UNC5C: variants seen among roughly 807,000 people sequenced by gnomAD.
UNC5C encodes the protein netrin receptor UNC5C.
In UNC5C, 47 loss-of-function variants were observed where a neutral mutation model predicts 99.8. That is an observed-to-expected ratio of 0.47 (90% CI 0.37 to 0.60). UNC5C has a LOEUF of 0.60. Among genes scored for constraint, UNC5C ranks in the 20% least tolerant of loss-of-function variants. UNC5C has a pLI of 0.00. For missense variants in UNC5C, 1,062 were observed against 1,165.9 expected (o/e 0.91, Z 1.30); for synonymous variants, 487 against 452.2 (o/e 1.08, Z -0.98).
chr4:95,393,170 G>A (rs1005074372), intron 1 of UNC5C, among the ~76,000 whole-genome samples: 1 of 152,198 alleles, frequency 6.6e-6, no homozygotes, highest in Non-Finnish European at 1.5e-5. Flanking sequence ...TGGGAGTAGG[G>A]CAGATGGAGG....
intron 14 of UNC5C, 138 bp downstream of exon 14, chr4:95,182,759 C>G (rs1255473291): frequency 1.2e-6 from 1 of 855,352 alleles, no homozygotes. Flanking sequence ...AAATATTATT[C>G]TATTAACAAA....
At chr4:95,457,887 C>A (rs536292983) in intron 1 of UNC5C, among the ~76,000 whole-genome samples, 39 of 151,836 alleles carry the variant, frequency 2.6e-4, no homozygotes, top group Non-Finnish European at 5.1e-4. Context: ...GAGATGGCAG[C>A]CCCAGCTAAC....
At chr4:95,376,478 G>T (rs569836219) in intron 1 of UNC5C, among the ~76,000 whole-genome samples, 1 of 151,960 alleles carries the variant, frequency 6.6e-6, no homozygotes, top group South Asian at 2.1e-4. Context: ...CTAAAAACAG[G>T]GTCAGCTTGA....
chr4:95,324,365 G>GAA (rs1742811183), intron 2 of UNC5C, among the ~76,000 whole-genome samples: 1 of 152,150 alleles, frequency 6.6e-6, no homozygotes, highest in African/African-American at 2.4e-5. Context: ...GACTGTTGCA[G>GAA]AAAAATAAGC....
At chr4:95,352,667 C>T (rs958831421) in intron 1 of UNC5C, among the ~76,000 whole-genome samples, 1 of 152,138 alleles carries the variant, frequency 6.6e-6, no homozygotes, top group Non-Finnish European at 1.5e-5. Flanking sequence ...ACTACAAGAT[C>T]GTTCAAAAGC....
intron 3 of UNC5C, among the ~76,000 whole-genome samples, chr4:95,299,885 T>A (rs1223160403): frequency 6.6e-6 from 1 of 152,076 alleles, no homozygotes; most frequent in East Asian, 1.9e-4. Context: ...GAGACCTAAG[T>A]TTTAGAAAGA....
chr4:95,264,145 G>T (rs1008076046), intron 4 of UNC5C, among the ~76,000 whole-genome samples: 1 of 152,104 alleles, frequency 6.6e-6, no homozygotes, highest in East Asian at 1.9e-4. Flanking sequence ...ATATAATTCT[G>T]TAAGGAACAA....
intron 3 of UNC5C, among the ~76,000 whole-genome samples, chr4:95,293,089 T>G (rs1191472935): frequency 2.0e-5 from 3 of 152,084 alleles, no homozygotes; most frequent in African/African-American, 7.2e-5. Flanking sequence ...TAAATCTGAA[T>G]GAAAGAAGAA....
intron 1 of UNC5C, among the ~76,000 whole-genome samples, chr4:95,373,095 C>G (rs2621459): frequency 0.2 from 31,063 of 152,136 alleles, 3,920 homozygotes; most frequent in Admixed American, 0.33. Context: ...CATCATCTCA[C>G]TATCTCTTGT....
chr4:95,423,532 A>G (rs957348319), intron 1 of UNC5C, among the ~76,000 whole-genome samples: 8 of 152,250 alleles, frequency 5.3e-5, no homozygotes, highest in African/African-American at 1.9e-4. Flanking sequence ...TACATTCAAA[A>G]AGACAGAAAA....
At chr4:95,360,063 T>C (rs1263784691) in intron 1 of UNC5C, among the ~76,000 whole-genome samples, 1 of 152,082 alleles carries the variant, frequency 6.6e-6, no homozygotes, top group Non-Finnish European at 1.5e-5. Flanking sequence ...TAGAGAACCA[T>C]CTGATGAATA....
At chr4:95,256,535 T>A in intron 4 of UNC5C, among the ~76,000 whole-genome samples, 1 of 151,912 alleles carries the variant, frequency 6.6e-6, no homozygotes, top group Admixed American at 6.6e-5. Context: ...GTCACTATCG[T>A]TTCCTTCCTG....
At chr4:95,200,530 T>A (rs1207382299) in intron 12 of UNC5C, among the ~76,000 whole-genome samples, 1 of 152,244 alleles carries the variant, frequency 6.6e-6, no homozygotes, top group Non-Finnish European at 1.5e-5. Context: ...GATACATCTA[T>A]AAAGTGGAGT....
chr4:95,429,905 C>T (rs1746585536), intron 1 of UNC5C, among the ~76,000 whole-genome samples: 1 of 152,022 alleles, frequency 6.6e-6, no homozygotes, highest in Non-Finnish European at 1.5e-5. Flanking sequence ...AGAAGCCAAT[C>T]TGAAAAGGCT....
intron 7 of UNC5C, among the ~76,000 whole-genome samples, chr4:95,226,258 A>G (rs1015963262): frequency 4.7e-4 from 71 of 152,322 alleles, no homozygotes; most frequent in African/African-American, 1.6e-3. Flanking sequence ...CATGAACATC[A>G]GCTTGAATCC....
At chr4:95,360,330 A>G (rs1460611371) in intron 1 of UNC5C, among the ~76,000 whole-genome samples, 1 of 152,186 alleles carries the variant, frequency 6.6e-6, no homozygotes, top group Non-Finnish European at 1.5e-5. Flanking sequence ...CTGTAAGTTA[A>G]AGGAAAAAGA....
At chr4:95,421,712 A>G (rs1746325595) in intron 1 of UNC5C, among the ~76,000 whole-genome samples, 1 of 152,078 alleles carries the variant, frequency 6.6e-6, no homozygotes. Flanking sequence ...ACACACGTTT[A>G]TGAATAATTT....
intron 1 of UNC5C, among the ~76,000 whole-genome samples, chr4:95,365,807 A>C (rs1306071966): frequency 2.0e-5 from 3 of 152,256 alleles, no homozygotes; most frequent in South Asian, 2.1e-4. Flanking sequence ...ATGACTGATG[A>C]TTTCTAGAGA....
intron 12 of UNC5C, among the ~76,000 whole-genome samples, chr4:95,192,104 ACTTCCTCCC>A (rs1737140539): frequency 7.9e-5 from 3 of 38,216 alleles, no homozygotes; most frequent in African/African-American, 2.2e-4. Context: ...TCCCCTGCTC[ACTTCCTCCC>A]CTCCTCCCCT....
Sources: allele counts gnomAD v4.1 joint callset (sites outside exome capture counted in the v4.1 genomes callset), GRCh38; gene constraint gnomAD v4.1.1; transcripts MANE v1.5; gene names NCBI Gene and HGNC (gene_info 2026-07-23, HGNC 2026-07-21).